NRG3: variants seen among roughly 807,000 people sequenced by gnomAD.
NRG3 encodes neuregulin 3.
NRG3 carries 31 observed loss-of-function variants against 66.9 expected under a neutral mutation model. The observed-to-expected ratio is 0.46, with a 90% CI of 0.35 to 0.63. The LOEUF is 0.63. Among genes scored for constraint, NRG3 ranks in the 20% least tolerant of loss-of-function variants. The pLI is 0.00. For synonymous variants in NRG3, 393 were observed against 359.4 expected (o/e 1.09, Z -1.06); for missense variants, 910 against 878.9 (o/e 1.04, Z -0.45).
intron 1 of NRG3, among the ~76,000 whole-genome samples, chr10:82,007,569 G>A (rs1338082136): frequency 6.6e-6 from 1 of 152,010 alleles, no homozygotes; most frequent in Admixed American, 6.6e-5. Flanking sequence ...GATATATTTA[G>A]TATATAGAAA....
intron 3 of NRG3, among the ~76,000 whole-genome samples, chr10:82,849,887 G>C (rs551048018): frequency 1.3e-5 from 2 of 152,068 alleles, no homozygotes; most frequent in Admixed American, 6.5e-5. Context: ...GCCATGGGAG[G>C]GATGTTCAAA....
intron 1 of NRG3, among the ~76,000 whole-genome samples, chr10:82,261,177 A>C (rs2078007830): frequency 6.6e-6 from 1 of 152,096 alleles, no homozygotes; most frequent in African/African-American, 2.4e-5. Context: ...AACCAGCTGG[A>C]GGTAATTGAA....
intron 2 of NRG3, among the ~76,000 whole-genome samples, chr10:82,491,627 T>C (rs1213640943): frequency 6.6e-6 from 1 of 152,090 alleles, no homozygotes; most frequent in Non-Finnish European, 1.5e-5. Context: ...TCTCTGCTAT[T>C]TAACTAGTGT....
intron 1 of NRG3, among the ~76,000 whole-genome samples, chr10:82,260,560 A>G (rs1229087322): frequency 6.6e-6 from 1 of 152,182 alleles, no homozygotes; most frequent in African/African-American, 2.4e-5. Flanking sequence ...CTTTTAAGCC[A>G]TGGCATTTGC....
chr10:82,793,071 T>C (rs551340144), intron 3 of NRG3, among the ~76,000 whole-genome samples: 5 of 152,256 alleles, frequency 3.3e-5, no homozygotes, highest in African/African-American at 1.2e-4. Flanking sequence ...GGTTTTTTAT[T>C]TTGGTTTTTG....
chr10:82,018,449 T>C (rs1250962426), intron 1 of NRG3, among the ~76,000 whole-genome samples: 2 of 152,192 alleles, frequency 1.3e-5, no homozygotes, highest in Admixed American at 1.3e-4. Flanking sequence ...AACTTTAAAG[T>C]AGTTTTTTCC....
intron 3 of NRG3, among the ~76,000 whole-genome samples, chr10:82,766,379 A>G (rs891157159): frequency 1.3e-5 from 2 of 152,168 alleles, no homozygotes; most frequent in African/African-American, 4.8e-5. Flanking sequence ...GAACAATAAC[A>G]AAAATGACCA....
chr10:81,922,712 C>G (rs1846373093), intron 1 of NRG3, among the ~76,000 whole-genome samples: 1 of 152,158 alleles, frequency 6.6e-6, no homozygotes, highest in Admixed American at 6.5e-5. Context: ...ATTTGTAAAG[C>G]ATTCCATCCT....
intron 3 of NRG3, among the ~76,000 whole-genome samples, chr10:82,774,497 A>G (rs2135205993): frequency 6.6e-6 from 1 of 152,136 alleles, no homozygotes; most frequent in South Asian, 2.1e-4. Context: ...CAATCTTGGT[A>G]GGCTGTATTT....
At chr10:82,539,624 T>G (rs183819234) in intron 2 of NRG3, among the ~76,000 whole-genome samples, 5 of 152,134 alleles carry the variant, frequency 3.3e-5, no homozygotes, top group East Asian at 3.9e-4. Context: ...ACTGCCGTTT[T>G]TTTTTGTTTT....
chr10:82,916,081 AT>A (rs1267967908), intron 4 of NRG3, among the ~76,000 whole-genome samples: 4 of 152,200 alleles, frequency 2.6e-5, no homozygotes, highest in Admixed American at 1.3e-4. Flanking sequence ...TTTACATTGG[AT>A]AAAAGAACAC....
At chr10:82,979,868 A>G (rs1852668047) in intron 8 of NRG3, among the ~76,000 whole-genome samples, 1 of 152,164 alleles carries the variant, frequency 6.6e-6, no homozygotes, top group South Asian at 2.1e-4. Context: ...TGTGACTGTG[A>G]TAATATTTTA....
intron 1 of NRG3, among the ~76,000 whole-genome samples, chr10:82,113,347 G>T (rs558697219): frequency 6.6e-6 from 1 of 152,236 alleles, no homozygotes; most frequent in South Asian, 2.1e-4. Flanking sequence ...CAGAGCCCCC[G>T]CTCCTGATCA....
intron 3 of NRG3, among the ~76,000 whole-genome samples, chr10:82,780,478 TTC>T: frequency 6.9e-6 from 1 of 144,398 alleles, no homozygotes; most frequent in Non-Finnish European, 1.5e-5. Flanking sequence ...TTTTTTTCTT[TTC>T]TTTTTTTTTT....
intron 1 of NRG3, among the ~76,000 whole-genome samples, chr10:82,136,256 A>T (rs2069337230): frequency 6.6e-6 from 1 of 152,146 alleles, no homozygotes; most frequent in African/African-American, 2.4e-5. Context: ...TGCTACCACC[A>T]TTGGAACTGC....
intron 1 of NRG3, among the ~76,000 whole-genome samples, chr10:82,317,875 T>C (rs1266307383): frequency 6.6e-6 from 1 of 152,178 alleles, no homozygotes; most frequent in Non-Finnish European, 1.5e-5. Flanking sequence ...AGTAGACAAT[T>C]TCATGTAAGA....
intron 3 of NRG3, among the ~76,000 whole-genome samples, chr10:82,800,176 T>A (rs1456409442): frequency 6.6e-6 from 1 of 152,220 alleles, no homozygotes; most frequent in African/African-American, 2.4e-5. Context: ...ACTTGTGATT[T>A]AAAAAACTAT....
intron 2 of NRG3, among the ~76,000 whole-genome samples, chr10:82,456,778 C>G (rs560642815): frequency 3.3e-5 from 5 of 152,030 alleles, no homozygotes; most frequent in Admixed American, 3.3e-4. Context: ...CCATTAGAAA[C>G]GCTGCAGCAA....
chr10:82,778,907 G>A (rs574646490), intron 3 of NRG3, among the ~76,000 whole-genome samples: 17 of 152,228 alleles, frequency 1.1e-4, no homozygotes, highest in African/African-American at 3.9e-4. Flanking sequence ...GGGATGCGGG[G>A]GAGGGATTCT....
Sources: gnomAD v4.1 joint callset for allele counts (sites outside exome capture counted in the v4.1 genomes callset) on GRCh38, gnomAD v4.1.1 for gene constraint, MANE v1.5 for transcripts, NCBI Gene and HGNC (gene_info 2026-07-23, HGNC 2026-07-21) for gene names.